The following RIMS2 variants were observed in gnomAD, a reference collection of about 807,000 sequenced individuals.
The protein encoded by RIMS2 is regulating synaptic membrane exocytosis 2, also known as regulating synaptic membrane exocytosis protein 2.
A neutral mutation model predicts 174.4 loss-of-function variants in RIMS2; 59 were observed. That is an observed-to-expected ratio of 0.34 (90% confidence interval 0.27 to 0.42). RIMS2 has a LOEUF of 0.42. Among genes scored for constraint, RIMS2 ranks in the 10% least tolerant of loss-of-function variants. RIMS2 has a pLI of 1.00. For missense variants in RIMS2, 1,620 were observed against 1,666.3 expected (o/e 0.97, Z 0.48); for synonymous variants, 606 against 572.5 (o/e 1.06, Z -0.84).
At chr8:104,102,636 G>A (rs1174320646) in intron 19 of RIMS2, among the ~76,000 whole-genome samples, 2 of 152,106 alleles carry the variant, frequency 1.3e-5, no homozygotes, top group African/African-American at 4.8e-5. Context: ...CACATGCCTG[G>A]GGAGGCCTCA....
At chr8:103,671,199 G>A (rs184417014) in intron 1 of RIMS2, among the ~76,000 whole-genome samples, 15 of 152,044 alleles carry the variant, frequency 9.9e-5, no homozygotes, top group Admixed American at 2.6e-4. Flanking sequence ...GGGGGAAACC[G>A]CCCTCATGAT....
intron 15 of RIMS2, 72 bp from the exon 18 acceptor site, chr8:103,975,278 G>GGAGAGATGGA: frequency 1.0e-6 from 1 of 958,308 alleles, no homozygotes. Flanking sequence ...TTTTGTTTTT[G>GGAGAGATGGA]AGTAAAGTAG....
At chr8:103,559,431 GAA>G in intron 1 of RIMS2, 3 of 270,308 alleles carry the variant, frequency 1.1e-5, no homozygotes, top group Non-Finnish European at 2.1e-5. Context: ...GGATTAAAAA[GAA>G]AGAGAGAGTT....
At chr8:103,761,179 T>C (rs562991729) in intron 2 of RIMS2, among the ~76,000 whole-genome samples, 2 of 152,324 alleles carry the variant, frequency 1.3e-5, no homozygotes, top group African/African-American at 4.8e-5. Context: ...CTTCATGGAA[T>C]GTGGAGTTAG....
rs373800619 is a variant in RIMS2 at position 104,156,348 on chromosome 8, A to G, written c.3335-88568A>G. Among the ~76,000 whole-genome samples the G allele has an allele frequency of 7.9e-5, 12 of 152,234 alleles. No homozygotes were observed. In the East Asian group the frequency reaches 2.3e-3, roughly 29 times the overall value. ...AAATGGTAACATCACTTCTGCTTCT[A>G]TTCCATTGGCTGCTTAGTCAGAAGG... On this transcript the variant is annotated intron_variant, in intron 19 of 23. Transcript: ENST00000504942.
At chr8:104,211,142 G>A (rs1191902696) in intron 19 of RIMS2, among the ~76,000 whole-genome samples, 2 of 152,174 alleles carry the variant, frequency 1.3e-5, no homozygotes, top group Non-Finnish European at 2.9e-5. Flanking sequence ...GGGAGAAAGT[G>A]TGCAGCAGGG....
At chr8:103,979,302 T>C (rs376360504) in intron 16 of RIMS2, among the ~76,000 whole-genome samples, 1 of 152,146 alleles carries the variant, frequency 6.6e-6, no homozygotes, top group South Asian at 2.1e-4. Flanking sequence ...GAATGGCTCT[T>C]ATCAAAAGGC....
chr8:104,188,651 G>T (rs1180875161), intron 19 of RIMS2, among the ~76,000 whole-genome samples: 1 of 151,670 alleles, frequency 6.6e-6, no homozygotes, highest in Non-Finnish European at 1.5e-5. Flanking sequence ...CATGGGAAAT[G>T]GTTCACAATA....
At chr8:103,515,547 C>A (rs6997310) in intron 1 of RIMS2, among the ~76,000 whole-genome samples, 1 of 151,968 alleles carries the variant, frequency 6.6e-6, no homozygotes, top group South Asian at 2.1e-4. Context: ...ATTCTGATCT[C>A]GTTTCTTTGT....
intron 15 of RIMS2, among the ~76,000 whole-genome samples, chr8:103,968,433 G>A (rs989865200): frequency 6.7e-6 from 1 of 148,730 alleles, no homozygotes; most frequent in African/African-American, 2.5e-5. Flanking sequence ...TTTTTTAATT[G>A]AGCATTTCAT....
At chr8:104,224,502 TC>T (rs2099173146) in intron 19 of RIMS2, among the ~76,000 whole-genome samples, 1 of 152,238 alleles carries the variant, frequency 6.6e-6, no homozygotes, top group African/African-American at 2.4e-5. Flanking sequence ...AATTTGTCAA[TC>T]AAAATGATAA....
chr8:103,788,992 C>T (rs1358637543), intron 3 of RIMS2, among the ~76,000 whole-genome samples: 2 of 152,236 alleles, frequency 1.3e-5, no homozygotes, highest in African/African-American at 4.8e-5. Context: ...TTTTTAAGCC[C>T]TTCGGAAAAG....
At chr8:103,586,466 A>G (rs370598341) in intron 1 of RIMS2, among the ~76,000 whole-genome samples, 1 of 152,160 alleles carries the variant, frequency 6.6e-6, no homozygotes. Context: ...AAACAAACAC[A>G]TGGAAATTAA....
At chr8:103,806,737 C>A (rs1222725207) in intron 3 of RIMS2, among the ~76,000 whole-genome samples, 1 of 151,044 alleles carries the variant, frequency 6.6e-6, no homozygotes, top group Non-Finnish European at 1.5e-5. Flanking sequence ...GTAGATGGAA[C>A]TAGAATTATA....
chr8:104,174,716 G>T (rs1267763711), intron 19 of RIMS2, among the ~76,000 whole-genome samples: 3 of 152,122 alleles, frequency 2.0e-5, no homozygotes, highest in Non-Finnish European at 4.4e-5. Context: ...GGTGTTGCGG[G>T]GAAGAAGGTA....
At chr8:103,973,336 T>C (rs1431422523) in intron 15 of RIMS2, among the ~76,000 whole-genome samples, 2 of 152,052 alleles carry the variant, frequency 1.3e-5, no homozygotes, top group African/African-American at 4.8e-5. Context: ...ATATATGTGT[T>C]CCTGAGGAAA....
intron 5 of RIMS2, among the ~76,000 whole-genome samples, chr8:103,911,380 T>G (rs771894756): frequency 2.0e-5 from 3 of 152,152 alleles, no homozygotes; most frequent in Non-Finnish European, 2.9e-5. Flanking sequence ...GGTAATTTAC[T>G]AAATAGATCA....
chr8:103,876,340 C>T (rs1295944836), intron 3 of RIMS2, among the ~76,000 whole-genome samples: 1 of 151,806 alleles, frequency 6.6e-6, no homozygotes, highest in Admixed American at 6.6e-5. Flanking sequence ...ATTTTCGAAG[C>T]ACCATTCATT....
intron 7 of RIMS2, 80 bp downstream of exon 10, chr8:103,915,674 G>T: frequency 3.3e-6 from 2 of 614,648 alleles, no homozygotes; most frequent in South Asian, 3.6e-5. Context: ...ATTTAGAAGT[G>T]ATTTGACAAT....
Sources: allele counts gnomAD v4.1 joint callset (sites outside exome capture counted in the v4.1 genomes callset), GRCh38; gene constraint gnomAD v4.1.1; transcripts MANE v1.5; gene names NCBI Gene and HGNC (gene_info 2026-07-23, HGNC 2026-07-21).